PIK3C2B: variants seen among roughly 807,000 people sequenced by gnomAD.
PIK3C2B encodes phosphatidylinositol-4-phosphate 3-kinase catalytic subunit type 2 beta, also known as phosphatidylinositol 4-phosphate 3-kinase C2 domain-containing subunit beta.
A neutral mutation model predicts 184.3 loss-of-function variants in PIK3C2B; 83 were observed. The observed-to-expected ratio is 0.45, with a 90% CI of 0.38 to 0.54. The LOEUF (loss-of-function observed/expected upper bound fraction) is 0.54. Among genes scored for constraint, PIK3C2B ranks in the 20% least tolerant of loss-of-function variants. The pLI, the probability that PIK3C2B is intolerant of heterozygous loss-of-function variation, is 0.00. For synonymous variants in PIK3C2B, 779 were observed against 837.6 expected, an observed-to-expected ratio of 0.93 and a Z score of 1.21; for missense variants, 1,736 against 2,113.5, an observed-to-expected ratio of 0.82 and a Z score of 3.50.
rs778277761 is a variant in PIK3C2B at position 204,469,809 on chromosome 1, G to A, written c.-7C>T. On this transcript the variant is annotated 5_prime_UTR_variant, in exon 2 of 33. Coordinates refer to ENST00000684373, the MANE Select transcript of PIK3C2B (RefSeq NM_001377334.1). ...TGCCCTGAGTCGAAGACATGGTGAG[G>A]ATGGGGGACACAGGCAACAAAGTCT... 3.7e-6 allele frequency: 6 copies of A among 1,601,916 alleles called. No homozygotes were observed. Among genetic ancestry groups the A allele is most frequent in the Admixed American group, 1.7e-5 (1 of 59,928 alleles).
intron 28 of PIK3C2B, chr1:204,431,335 G>T: frequency 2.0e-5 from 6 of 300,298 alleles, no homozygotes; most frequent in East Asian, 1.4e-4. Flanking sequence ...CATTTTAAAT[G>T]CTGAATAATA....
chr1:204,433,306 A>C lies in PIK3C2B; in HGVS notation c.3953+10T>G, dbSNP rs1675169604. On this transcript the variant is annotated intron_variant, in intron 26 of 32. Coordinates refer to ENST00000684373, the MANE Select transcript of PIK3C2B (RefSeq NM_001377334.1). This position sits in a 1 kb window ranked among gnomAD's most constrained non-coding sequence, Gnocchi z 5.0. ...TGGGCAGTGCTGATTCGCTCAGGGAATCATTTTACCTAGTGAAGTAGGTAG... is the reference window on the plus strand; with the variant it reads ...TGGGCAGTGCTGATTCGCTCAGGGACTCATTTTACCTAGTGAAGTAGGTAG... The C allele has an allele frequency of 1.4e-6, 2 of 1,411,886 alleles. No homozygotes were observed. Among genetic ancestry groups the C allele is most frequent in the Non-Finnish European group, 2.0e-6 (2 of 996,678 alleles). 87.5% of individuals were successfully genotyped at this position (1,411,886 alleles called of 1,614,324 possible). A position where few individuals can be genotyped will look rare whatever the true frequency, so the allele number is the denominator to read the frequency against.
intron 28 of PIK3C2B, 195 bp downstream of exon 28, chr1:204,431,474 G>A (rs762965623): frequency 1.4e-5 from 9 of 632,386 alleles, no homozygotes; most frequent in Non-Finnish European, 2.2e-5. Context: ...CCTGGAGTGA[G>A]AGCTCTTGCG....
In PIK3C2B at chr1:204,428,181, C is replaced by A; in HGVS notation, c.4438G>T (p.Asp1480Tyr). 1 of 1,613,102 alleles carries A rather than the reference C, an allele frequency of 6.2e-7. No individual in the cohort carries two copies. The highest frequency in any genetic ancestry group is 8.5e-7 in the Non-Finnish European group (1 of 1,179,196). Residue 1480 changes from aspartate (D) to tyrosine (Y), a missense_variant, in exon 30 of 33, where the codon GAT becomes TAT. Transcript: ENST00000684373. ...GGGCTGGTGCCCATAGCCTTCTCAT[C>A]CCGGGGCAGTGGGTGGAAGAAGGTG... is the stretch of plus-strand genomic sequence containing the variant. ...VYTFFHPLPR[D>Y]EKAMGTSPAP... is the part of the protein sequence containing the mutation.
In PIK3C2B at chr1:204,424,770, C is replaced by T; in HGVS notation, c.*82G>A. 2 of 1,430,820 alleles carry T rather than the reference C, an allele frequency of 1.4e-6. No individual in the cohort carries two copies. The highest frequency in any genetic ancestry group is 9.9e-7 in the Non-Finnish European group (1 of 1,014,252). 88.6% of individuals were successfully genotyped at this position (1,430,820 alleles called of 1,614,324 possible). A position where few individuals can be genotyped will look rare whatever the true frequency, so the allele number is the denominator to read the frequency against. ...GCCTGCCCAGGGCCCTGGCCCTTCACAAGGAGGAGTCTCACAGGGGAGAGT... is the reference window on the plus strand; with the variant it reads ...GCCTGCCCAGGGCCCTGGCCCTTCATAAGGAGGAGTCTCACAGGGGAGAGT... On this transcript the variant is annotated 3_prime_UTR_variant, in exon 33 of 33. Transcript: ENST00000684373.
chr1:204,425,448 G>A lies in PIK3C2B; in HGVS notation c.4716+165C>T, dbSNP rs567572658. Among the ~76,000 whole-genome samples the A allele has an allele frequency of 2.8e-3, 432 of 152,272 alleles. 3 individuals carry two copies. The highest frequency in any genetic ancestry group is 4.2e-3 in the Non-Finnish European group (286 of 68,030). On this transcript the variant is annotated intron_variant, in intron 32 of 32. Transcript: ENST00000684373. ...CATATGGTCTATGTTACAACTACTC[G>A]ATCCTGCCATTGCAACATGAAAGCA... is the stretch of plus-strand genomic sequence containing the variant.
chr1:204,428,657 C>T (rs1215008865), intron 29 of PIK3C2B, among the ~76,000 whole-genome samples: 1 of 152,098 alleles, frequency 6.6e-6, no homozygotes, highest in African/African-American at 2.4e-5. Flanking sequence ...CCACGCCCAG[C>T]TAATTTTTGT....
At position 204,481,879 on chromosome 1, in the gene PIK3C2B, C is replaced by G. The variant is rs1045640672; in HGVS notation, c.-84-11993G>C. Among the ~76,000 whole-genome samples the G allele has an allele frequency of 3.9e-5, 6 of 152,292 alleles. 1 individual carries two copies. The highest frequency in any genetic ancestry group is 6.5e-5 in the Admixed American group (1 of 15,304). ...AGACCAGGGTAGGAAAGGAAAGGGA[C>G]ACCGGTTTTCAAGCAGTTCCAGTCT... On this transcript the variant is annotated intron_variant, in intron 1 of 32. Coordinates refer to ENST00000684373, the MANE Select transcript of PIK3C2B (RefSeq NM_001377334.1).
Position 204,447,490 on chromosome 1 carries a change from C to T in PIK3C2B, c.2435G>A (p.Arg812Gln), listed in dbSNP as rs778683886. Residue 812 changes from arginine to glutamine, a missense_variant, in exon 15 of 33, where the codon CGG becomes CAG. Physicochemically the swap from Arg to Gln is conservative, Grantham distance 43. Transcript: ENST00000684373. This position sits in a 1 kb window ranked among gnomAD's most constrained non-coding sequence, Gnocchi z 4.1. ...FSPRYEFGSL[R>Q]EEDQRKLKDI... ...TTTAAGCTTGCGCTGGTCTTCTTCC[C>T]GGAGGCTGCCAAACTCATAGCGGGG... is the stretch of plus-strand genomic sequence containing the variant. The T allele has an allele frequency of 1.3e-5, 21 of 1,613,332 alleles. No individual in the cohort carries two copies. The highest frequency in any genetic ancestry group is 3.3e-5 in the Admixed American group (2 of 59,916).
Position 204,427,773 on chromosome 1 carries a change from C to A in PIK3C2B, c.4481-19G>T, listed in dbSNP as rs1303507384. The A allele has an allele frequency of 6.4e-7, 1 of 1,565,890 alleles. No individual in the cohort carries two copies. The highest frequency in any genetic ancestry group is 1.1e-5 in the South Asian group (1 of 90,112). On this transcript the variant is annotated intron_variant, in intron 30 of 32. Coordinates refer to ENST00000684373, the MANE Select transcript of PIK3C2B (RefSeq NM_001377334.1). Reference sequence around the variant, plus strand: ...GTGCCATCTGTAGGGACAAATGAAACCATGAAGGGTCAAGAGGCCAGGCAG... The same window carrying A: ...GTGCCATCTGTAGGGACAAATGAAAACATGAAGGGTCAAGAGGCCAGGCAG...
At chr1:204,446,791 GAC>G (rs1653909866) in intron 15 of PIK3C2B, among the ~76,000 whole-genome samples, 1 of 152,118 alleles carries the variant, frequency 6.6e-6, no homozygotes, top group Non-Finnish European at 1.5e-5. Context: ...GGACATCAGG[GAC>G]AGAGATGAGC....
intron 28 of PIK3C2B, chr1:204,431,236 C>T (rs776888370): frequency 4.2e-6 from 1 of 240,778 alleles, no homozygotes; most frequent in South Asian, 5.9e-5. Context: ...GGAATCGTGC[C>T]GTTTTTGTTT....
In PIK3C2B at chr1:204,424,519, A is replaced by ACC; in HGVS notation, c.*331_*332dup. The ACC allele has an allele frequency of 7.5e-6, 1 of 133,782 alleles. No homozygotes were observed. Among genetic ancestry groups the ACC allele is most frequent in the Non-Finnish European group, 1.4e-5 (1 of 69,016 alleles). The allele number at this position is 133,782 out of a possible 1,614,324, so 8.3% of individuals were successfully genotyped here. On this transcript the variant is annotated 3_prime_UTR_variant, in exon 33 of 33. Transcript: ENST00000684373. The stretch of plus-strand genomic sequence containing the variant: ...TAAAAATTAAGATATCCACCCACCC[A>ACC]CCCCCAAAATGCTACTTCATACAGC...
intron 1 of PIK3C2B, among the ~76,000 whole-genome samples, chr1:204,478,725 C>A (rs999686210): frequency 6.6e-6 from 1 of 152,204 alleles, no homozygotes; most frequent in African/African-American, 2.4e-5. Flanking sequence ...CCTACCAGGA[C>A]TTACTCTCCA....
At chr1:204,478,852 T>C (rs895020113) in intron 1 of PIK3C2B, among the ~76,000 whole-genome samples, 2 of 152,220 alleles carry the variant, frequency 1.3e-5, no homozygotes, top group East Asian at 1.9e-4. Context: ...GGACAGAAGC[T>C]TGGAGCCTGT....
At chr1:204,477,598 G>A (rs567885890) in intron 1 of PIK3C2B, among the ~76,000 whole-genome samples, 1 of 152,304 alleles carries the variant, frequency 6.6e-6, no homozygotes, top group East Asian at 1.9e-4. Context: ...CAGTGGAGCT[G>A]GCTCTGTTTA....
At chr1:204,478,147 G>A (rs1019749656) in intron 1 of PIK3C2B, among the ~76,000 whole-genome samples, 3 of 152,166 alleles carry the variant, frequency 2.0e-5, no homozygotes, top group African/African-American at 7.2e-5. Context: ...CTAAGGACAG[G>A]CAGGGTCAGG....
intron 2 of PIK3C2B, among the ~76,000 whole-genome samples, chr1:204,466,420 A>G (rs1311840725): frequency 7.0e-6 from 1 of 143,382 alleles, no homozygotes; most frequent in Non-Finnish European, 1.5e-5. Flanking sequence ...TTGAATATCC[A>G]GACTGTTTCC....
chr1:204,456,181 G>A, intron 10 of PIK3C2B, 130 bp from the exon 11 acceptor site: 1 of 601,424 alleles, frequency 1.7e-6, no homozygotes, highest in Non-Finnish European at 2.8e-6. Context: ...TCTAATAGCT[G>A]TGACAAAGTT....
Sources: gnomAD v4.1 joint callset for allele counts (sites outside exome capture counted in the v4.1 genomes callset) on GRCh38, gnomAD v4.1.1 for gene constraint, Gnocchi (gnomAD v3.1) non-coding constraint, MANE v1.5 for transcripts, NCBI Gene and HGNC (gene_info 2026-07-23, HGNC 2026-07-21) for gene names.